The following NLRC5 variants were observed in gnomAD, a reference collection of about 807,000 sequenced individuals.
The protein encoded by NLRC5 is protein NLRC5.
NLRC5 carries 114 observed loss-of-function variants against 206.9 expected under a neutral mutation model. The ratio of observed to expected loss-of-function variants is 0.55; its 90% CI spans 0.47 to 0.64. The LOEUF (loss-of-function observed/expected upper bound fraction) is 0.64. NLRC5 is among the 30% of genes least tolerant of loss of function. The pLI is 0.00. For synonymous variants in NLRC5, 952 were observed against 962.8 expected, an observed-to-expected ratio of 0.99 and a Z score of 0.21; for missense variants, 2,008 against 2,305.5, an observed-to-expected ratio of 0.87 and a Z score of 2.64.
At chr16:57,079,160 AC>A in intron 44 of NLRC5, 27 bp downstream of exon 44, 1 of 1,612,974 alleles carries the variant, frequency 6.2e-7, no homozygotes, top group Non-Finnish European at 8.5e-7. Flanking sequence ...CAGCCCAGGC[AC>A]GGGGACAGTC....
At chr16:57,009,486 G>A (rs1263468257) in intron 1 of NLRC5, among the ~76,000 whole-genome samples, 13 of 150,902 alleles carry the variant, frequency 8.6e-5, no homozygotes, top group African/African-American at 7.3e-5. Context: ...CCAGCTACTC[G>A]GGAGGCTGAG....
chr16:57,022,441 C>T (rs892266910), intron 4 of NLRC5, 126 bp downstream of exon 4: 115 of 794,576 alleles, frequency 1.4e-4, no homozygotes, highest in East Asian at 6.0e-4. Flanking sequence ...CCATGCTCTT[C>T]GTCTGTCCCT....
chr16:57,008,580 T>C (rs1037963837), intron 1 of NLRC5, among the ~76,000 whole-genome samples: 3 of 152,234 alleles, frequency 2.0e-5, no homozygotes, highest in Non-Finnish European at 4.4e-5. Flanking sequence ...ACAGGACTTA[T>C]TCTTTGTACA....
In NLRC5 at chr16:56,994,330, G is replaced by C. The variant is rs549157734; in HGVS notation, c.-128+4713G>C. Among the ~76,000 whole-genome samples, 9 of 152,302 alleles carry C rather than the reference G, an allele frequency of 5.9e-5. No individual in the cohort carries two copies. The South Asian group carries it at 1.7e-3, about 28-fold the overall frequency. On this transcript the variant is annotated intron_variant, in intron 1 of 48. Transcript: ENST00000688547. ...TTCGGTGAGTCCAGGAATGCCCTCT[G>C]CTCCGTGTGAGGCAGGTACCAGCAC...
chr16:57,079,505 A>G lies in NLRC5; in HGVS notation c.5238-41A>G, dbSNP rs752502669. 10 of 1,575,574 alleles carry G rather than the reference A, an allele frequency of 6.3e-6. No individual in the cohort carries two copies. The Admixed American group carries it at 1.7e-4, about 26-fold the overall frequency. On this transcript the variant is annotated intron_variant, in intron 45 of 48. Transcript: ENST00000688547. Reference sequence around the variant, plus strand: ...CAGGACCTGCTAGATCCCCTGACTCAAACAACCCCCATCCCATCCCATGCC... The same window carrying G: ...CAGGACCTGCTAGATCCCCTGACTCGAACAACCCCCATCCCATCCCATGCC...
intron 1 of NLRC5, among the ~76,000 whole-genome samples, chr16:57,010,980 G>A (rs770864664): frequency 6.6e-6 from 1 of 152,028 alleles, no homozygotes; most frequent in Non-Finnish European, 1.5e-5. Flanking sequence ...AGTGGGAAAG[G>A]CTCTCCTGTC....
chr16:57,067,725 G>A lies in NLRC5; in HGVS notation c.4407-11G>A. ...CCTGAAATCCTCTAGAATATCCTTG[G>A]ACCTTTTCAGCTTGTCTCAGGTTAA... On this transcript the variant is annotated splice_polypyrimidine_tract_variant and intron_variant, in intron 35 of 48. Transcript: ENST00000688547. 1 of 1,612,932 alleles carries A rather than the reference G, an allele frequency of 6.2e-7. No homozygotes were observed. Among genetic ancestry groups the A allele is most frequent in the Non-Finnish European group, 8.5e-7 (1 of 1,178,910 alleles).
In NLRC5 at chr16:57,056,563, A is replaced by T. The variant is rs146115741; in HGVS notation, c.3746+1044A>T. 4.2e-3 allele frequency among the ~76,000 whole-genome samples: 647 copies of T among 152,304 alleles called. 12 individuals carry two copies. The highest frequency in any genetic ancestry group is 0.015 in the African/African-American group (615 of 41,564). ...CTCCCAGGTTGCTGAGATTACAGGC[A>T]TGAGCCGCTGTGCTTGGAATGTATT... On this transcript the variant is annotated intron_variant, in intron 27 of 48. Transcript: ENST00000688547.
In NLRC5 at chr16:57,077,548, C is replaced by T. The variant is rs150933187; in HGVS notation, c.4919+169C>T. On this transcript the variant is annotated intron_variant, in intron 41 of 48. Coordinates refer to ENST00000688547, the MANE Select transcript of NLRC5 (RefSeq NM_001384950.1). ...CCCTCACTGCGGGACCTTAAGCCAC[C>T]CCAGCCCCTGCTCTTCTCTGGGCCT... 8.2e-3 allele frequency among the ~76,000 whole-genome samples: 1,245 copies of T among 152,240 alleles called. 20 individuals are homozygous for T. Among genetic ancestry groups the T allele is most frequent in the African/African-American group, 0.029 (1,189 of 41,534 alleles).
intron 5 of NLRC5, 61 bp downstream of exon 5, chr16:57,023,914 C>A: frequency 6.8e-7 from 1 of 1,475,858 alleles, no homozygotes; most frequent in Non-Finnish European, 9.3e-7. Flanking sequence ...GGGCCAAGAC[C>A]CGGACCCTGG....
In NLRC5 at chr16:57,047,611, G is replaced by T. The variant is rs140783117; in HGVS notation, c.3405G>T (p.Pro1135=). 1.1e-4 allele frequency: 179 copies of T among 1,613,066 alleles called. No homozygotes were observed. The African/African-American group carries it at 2.1e-3, about 19-fold the overall frequency. Residue 1135 remains proline, a synonymous_variant, in exon 23 of 49, where the codon CCG becomes CCT. Coordinates refer to ENST00000688547, the MANE Select transcript of NLRC5 (RefSeq NM_001384950.1). ...TCTGTGCCACTCTGAAGGACTGCCC[G>T]GGACCCCTGGAACTGCAGTAAGTAA... ...TRLCATLKDC[P]GPLELQLSCE...
chr16:56,996,699 C>T (rs2057658873), intron 1 of NLRC5, among the ~76,000 whole-genome samples: 1 of 152,172 alleles, frequency 6.6e-6, no homozygotes, highest in Non-Finnish European at 1.5e-5. Flanking sequence ...ATAATGTATA[C>T]TTCCAGAATA....
chr16:57,025,136 C>T (rs2061146763), intron 5 of NLRC5, among the ~76,000 whole-genome samples: 2 of 152,186 alleles, frequency 1.3e-5, no homozygotes, highest in Non-Finnish European at 2.9e-5. Context: ...TTCCCCATTC[C>T]CACCTGCCTG....
chr16:57,055,025 G>A lies in NLRC5; in HGVS notation c.3597-7G>A, dbSNP rs1258571404. On this transcript the variant is annotated splice_polypyrimidine_tract_variant and splice_region_variant and intron_variant, in intron 25 of 48. Coordinates refer to ENST00000688547, the MANE Select transcript of NLRC5 (RefSeq NM_001384950.1). Reference sequence around the variant, plus strand: ...CAGCTGTCTGACCCAGGTCCTGTCTGATCCAGGTCCCTGCACCATGCAACT... The same window carrying A: ...CAGCTGTCTGACCCAGGTCCTGTCTAATCCAGGTCCCTGCACCATGCAACT... 1.2e-6 allele frequency: 2 copies of A among 1,614,190 alleles called. No individual in the cohort carries two copies. Among genetic ancestry groups the A allele is most frequent in the Non-Finnish European group, 1.7e-6 (2 of 1,180,036 alleles).
chr16:57,075,497 G>A (rs1380653002), intron 39 of NLRC5, among the ~76,000 whole-genome samples: 1 of 152,198 alleles, frequency 6.6e-6, no homozygotes, highest in Non-Finnish European at 1.5e-5. Context: ...TGGGATTACA[G>A]GCGTGAGCCA....
intron 23 of NLRC5, among the ~76,000 whole-genome samples, chr16:57,050,483 A>T (rs2064731054): frequency 6.6e-6 from 1 of 152,250 alleles, no homozygotes; most frequent in Non-Finnish European, 1.5e-5. Flanking sequence ...GGCAGCCTGC[A>T]GAGGATGAAG....
At position 57,027,020 on chromosome 16, in the gene NLRC5, T is replaced by C; in HGVS notation, c.2075+2T>C. 3.1e-6 allele frequency: 5 copies of C among 1,611,118 alleles called. No homozygotes were observed. The highest frequency in any genetic ancestry group is 2.5e-6 in the Non-Finnish European group (3 of 1,178,092). On this transcript the variant is annotated splice_donor_variant, in intron 6 of 48. Transcript: ENST00000688547. LOFTEE classifies it high-confidence loss of function. ...CTGTGGGCAGATAGAGAATCTCAGG[T>C]GAGTAAGAGTGGAGGAGGACCGGGG...
At chr16:57,030,402 G>GGCTGAAAA (rs2061683729) in intron 10 of NLRC5, among the ~76,000 whole-genome samples, 1 of 140,834 alleles carries the variant, frequency 7.1e-6, no homozygotes, top group African/African-American at 2.6e-5. Flanking sequence ...ATGGATGGAT[G>GGCTGAAAA]GATGGATGGC....
chr16:57,067,552 C>A (rs1308471500), intron 35 of NLRC5, 82 bp downstream of exon 35: 3 of 1,430,690 alleles, frequency 2.1e-6, no homozygotes, highest in Non-Finnish European at 2.9e-6. Context: ...GTGACCCTGG[C>A]ATTCTCACTT....
Sources: gnomAD v4.1 joint callset for allele counts (sites outside exome capture counted in the v4.1 genomes callset) on GRCh38, gnomAD v4.1.1 for gene constraint, MANE v1.5 for transcripts, NCBI Gene and HGNC (gene_info 2026-07-23, HGNC 2026-07-21) for gene names.